Variants in SLC26A8 observed in about 807,000 individuals in gnomAD.
SLC26A8 encodes the protein testis anion transporter 1.
SLC26A8 carries 70 observed loss-of-function variants against 105.0 expected under a neutral mutation model. That is an observed-to-expected ratio of 0.67 (90% CI 0.55 to 0.81). SLC26A8 has a LOEUF of 0.81. SLC26A8 is among the 40% of genes least tolerant of loss of function. The pLI is 0.00. For synonymous variants in SLC26A8, 415 were observed against 438.3 expected (o/e 0.95, Z 0.66); for missense variants, 998 against 1,181.8 (o/e 0.84, Z 2.28).
chr6:35,986,717 CA>C (rs1406843088), intron 7 of SLC26A8, among the ~76,000 whole-genome samples: 1 of 151,950 alleles, frequency 6.6e-6, no homozygotes, highest in Non-Finnish European at 1.5e-5. Flanking sequence ...TTTTTTTAAA[CA>C]AAATACCCAG....
intron 11 of SLC26A8, among the ~76,000 whole-genome samples, chr6:35,964,690 G>A (rs183353703): frequency 6.6e-6 from 1 of 151,872 alleles, no homozygotes. Context: ...GATGTGCCAG[G>A]CATGGTGGAT....
In SLC26A8 at chr6:35,943,774, G is replaced by A; in HGVS notation, c.*126C>T. ...GAGCAAGGAAGAAGGCTGGCAGGTA[G>A]TAGGAGTCACAGTCAGGAAGGAAGT... On this transcript the variant is annotated 3_prime_UTR_variant, in exon 20 of 20. Coordinates refer to ENST00000490799, the MANE Select transcript of SLC26A8 (RefSeq NM_052961.4). 1 of 1,366,352 alleles carries A rather than the reference G, an allele frequency of 7.3e-7. No individual in the cohort carries two copies. Among genetic ancestry groups the A allele is most frequent in the Non-Finnish European group, 9.8e-7 (1 of 1,016,472 alleles). The allele number at this position is 1,366,352 out of a possible 1,614,324, so 84.6% of individuals were successfully genotyped here. A position where few individuals can be genotyped will look rare whatever the true frequency, so the allele number is the denominator to read the frequency against.
At chr6:36,007,864 T>C (rs181042467) in intron 3 of SLC26A8, among the ~76,000 whole-genome samples, 51 of 152,250 alleles carry the variant, frequency 3.3e-4, no homozygotes, top group Admixed American at 3.0e-3. Flanking sequence ...CTCACGCTTG[T>C]AATCCCAGCA....
At position 36,019,409 on chromosome 6, in the gene SLC26A8, T is replaced by C. The variant is rs1300799296; in HGVS notation, c.188+111A>G. 5.1e-6 allele frequency: 6 copies of C among 1,173,554 alleles called. No individual in the cohort carries two copies. The East Asian group carries it at 1.6e-4, about 31-fold the overall frequency. 72.7% of individuals were successfully genotyped at this position (1,173,554 alleles called of 1,614,324 possible). A position where few individuals can be genotyped will look rare whatever the true frequency, so the allele number is the denominator to read the frequency against. On this transcript the variant is annotated intron_variant, in intron 2 of 19. Coordinates refer to ENST00000490799, the MANE Select transcript of SLC26A8 (RefSeq NM_052961.4). ...AAGAAAAATTGCACAATAAACTGCA[T>C]GATTCTGATTACAGGAACTCAGACA...
chr6:35,989,075 C>T (rs963528901), intron 7 of SLC26A8, among the ~76,000 whole-genome samples: 5 of 151,978 alleles, frequency 3.3e-5, no homozygotes, highest in African/African-American at 1.2e-4. Flanking sequence ...CTCCTAACCT[C>T]GTGATCCACC....
At chr6:36,017,322 G>A (rs943063033) in intron 2 of SLC26A8, among the ~76,000 whole-genome samples, 3 of 152,040 alleles carry the variant, frequency 2.0e-5, no homozygotes, top group African/African-American at 7.2e-5. Context: ...AGATAAATTG[G>A]ATTTCATCAA....
chr6:35,988,020 C>G (rs1184903831), intron 7 of SLC26A8, among the ~76,000 whole-genome samples: 4 of 151,544 alleles, frequency 2.6e-5, no homozygotes, highest in Non-Finnish European at 4.4e-5. Context: ...AAGTGATTCT[C>G]CTGCCTTAGC....
chr6:35,972,596 T>C (rs1161326465), intron 10 of SLC26A8, among the ~76,000 whole-genome samples: 1 of 152,086 alleles, frequency 6.6e-6, no homozygotes, highest in African/African-American at 2.4e-5. Flanking sequence ...GCAAGGGGCA[T>C]GTCAAGGCCT....
At chr6:35,966,473 T>C (rs965709304) in intron 11 of SLC26A8, among the ~76,000 whole-genome samples, 1 of 152,208 alleles carries the variant, frequency 6.6e-6, no homozygotes, top group Non-Finnish European at 1.5e-5. Context: ...AACATGCTCA[T>C]GGTGTAAAAA....
intron 3 of SLC26A8, among the ~76,000 whole-genome samples, chr6:36,001,988 T>C (rs1761536995): frequency 6.6e-6 from 1 of 152,208 alleles, no homozygotes; most frequent in Admixed American, 6.5e-5. Flanking sequence ...ATGTTGTGCT[T>C]TGCTTCACAA....
chr6:36,005,028 AC>A (rs966833794), intron 3 of SLC26A8, among the ~76,000 whole-genome samples: 3 of 151,984 alleles, frequency 2.0e-5, no homozygotes, highest in African/African-American at 7.2e-5. Flanking sequence ...GTTTTAAATA[AC>A]TAACCAATGC....
At position 35,962,592 on chromosome 6, in the gene SLC26A8, G is replaced by A. The variant is rs369696286; in HGVS notation, c.1395C>T (p.Asn465=). The A allele has an allele frequency of 7.4e-5, 120 of 1,613,992 alleles. No individual in the cohort carries two copies. Among genetic ancestry groups the A allele is most frequent in the South Asian group, 7.7e-5 (7 of 91,092 alleles). ...NAVLAGIILS[N]VIPYLETISN... ...AAATGGTTTCAAGGTAGGGAATGAC[G>A]TTGCTCAGAATAATACCAGCCAGCA... Residue 465 remains asparagine, a synonymous_variant, in exon 12 of 20, where the codon AAC becomes AAT. Coordinates refer to ENST00000490799, the MANE Select transcript of SLC26A8 (RefSeq NM_052961.4).
chr6:35,971,619 C>G (rs1772799022), intron 10 of SLC26A8, among the ~76,000 whole-genome samples: 1 of 152,286 alleles, frequency 6.6e-6, no homozygotes, highest in Admixed American at 6.5e-5. Context: ...GTCTTATCCC[C>G]ACTTTCCAGA....
intron 7 of SLC26A8, among the ~76,000 whole-genome samples, chr6:35,984,546 A>T: frequency 6.6e-6 from 1 of 150,658 alleles, no homozygotes; most frequent in East Asian, 2.0e-4. Flanking sequence ...CTGGTCTCAA[A>T]CTCCTGACCT....
At position 35,968,605 on chromosome 6, in the gene SLC26A8, GTGTGTA is replaced by G. The variant is rs1409979093; in HGVS notation, c.1365+266_1365+271del. The stretch of plus-strand genomic sequence containing the variant: ...TATGTGTGTATGTGTGTGTGTGTGT[GTGTGTA>G]TATATATATATATATATATATATAT... On this transcript the variant is annotated intron_variant, in intron 11 of 19. Coordinates refer to ENST00000490799, the MANE Select transcript of SLC26A8 (RefSeq NM_052961.4). Among the ~76,000 whole-genome samples, 339 of 53,762 alleles carry G rather than the reference GTGTGTA, an allele frequency of 6.3e-3. 1 individual carries two copies. Among genetic ancestry groups the G allele is most frequent in the Middle Eastern group, 0.019 (2 of 106 alleles). 35.3% of individuals were successfully genotyped at this position (53,762 alleles called of 152,430 possible).
chr6:35,982,077 G>T (rs940513921), intron 8 of SLC26A8, 44 bp downstream of exon 8: 1 of 1,573,628 alleles, frequency 6.4e-7, no homozygotes, highest in Non-Finnish European at 8.7e-7. Context: ...CTAAGAGAGG[G>T]TATCAGAAAG....
chr6:35,951,101 A>ACCCAAACCCCCACAGCCCGCAAT, intron 19 of SLC26A8, 62 bp downstream of exon 19: 1 of 1,072,412 alleles, frequency 9.3e-7, no homozygotes, highest in Non-Finnish European at 1.3e-6. Flanking sequence ...ACCACCCCTC[A>ACCCAAACCCCCACAGCCCGCAAT]CCCATCCCCC....
chr6:35,986,924 C>T (rs1164254496), intron 7 of SLC26A8, among the ~76,000 whole-genome samples: 5 of 152,044 alleles, frequency 3.3e-5, no homozygotes, highest in Admixed American at 6.6e-5. Context: ...AGTGCTGCAG[C>T]GAACATGAGA....
chr6:36,008,066 GC>G (rs1223174878), intron 3 of SLC26A8, among the ~76,000 whole-genome samples: 12 of 147,624 alleles, frequency 8.1e-5, no homozygotes, highest in African/African-American at 2.8e-4. Context: ...CTTGCAGTGA[GC>G]CGAGATTGAG....
Sources: gnomAD v4.1 joint callset for allele counts (sites outside exome capture counted in the v4.1 genomes callset) on GRCh38, gnomAD v4.1.1 for gene constraint, MANE v1.5 for transcripts, NCBI Gene and HGNC (gene_info 2026-07-23, HGNC 2026-07-21) for gene names.